The following DPP6 variants were observed in gnomAD, a reference collection of about 807,000 sequenced individuals.
DPP6 encodes A-type potassium channel modulatory protein DPP6.
In DPP6, 69 loss-of-function variants were observed where a neutral mutation model predicts 122.6. The ratio of observed to expected loss-of-function variants is 0.56; its 90% CI spans 0.46 to 0.69. The LOEUF (loss-of-function observed/expected upper bound fraction) is 0.69, where lower values mean the gene tolerates loss of function less well. DPP6 is among the 30% of genes least tolerant of loss of function. DPP6 has a pLI of 0.00. For synonymous variants in DPP6, 418 were observed against 433.1 expected (o/e 0.97, Z 0.43); for missense variants, 928 against 1,116.9 (o/e 0.83, Z 2.41).
intron 5 of DPP6, among the ~76,000 whole-genome samples, chr7:154,570,916 T>C (rs774911401): frequency 4.6e-5 from 7 of 152,226 alleles, no homozygotes; most frequent in Non-Finnish European, 1.0e-4. Context: ...ATCTGGAATG[T>C]TGAAAATAAT....
At chr7:154,091,124 A>ATAAATAAAT (rs1804800420) in intron 1 of DPP6, among the ~76,000 whole-genome samples, 2 of 151,890 alleles carry the variant, frequency 1.3e-5, no homozygotes, top group Non-Finnish European at 2.9e-5. Flanking sequence ...CCTTCTCAAA[A>ATAAATAAAT]AAAAAAAAAA....
At chr7:154,732,596 C>T (rs934198926) in intron 8 of DPP6, among the ~76,000 whole-genome samples, 1 of 152,076 alleles carries the variant, frequency 6.6e-6, no homozygotes, top group African/African-American at 2.4e-5. Flanking sequence ...ATGATGAACT[C>T]GAGAAGATAT....
intron 1 of DPP6, among the ~76,000 whole-genome samples, chr7:153,967,137 A>G (rs998366136): frequency 9.9e-5 from 15 of 152,088 alleles, no homozygotes; most frequent in African/African-American, 3.4e-4. Flanking sequence ...AAAGAGATCC[A>G]GTAGTCAAAG....
At chr7:154,189,863 C>G (rs537996451) in intron 1 of DPP6, among the ~76,000 whole-genome samples, 138 of 152,268 alleles carry the variant, frequency 9.1e-4, no homozygotes, top group African/African-American at 3.3e-3. Context: ...TTTAATTTCT[C>G]AAAGCTTTAT....
At chr7:154,590,709 T>C (rs1832762733) in intron 5 of DPP6, among the ~76,000 whole-genome samples, 1 of 150,596 alleles carries the variant, frequency 6.6e-6, no homozygotes, top group South Asian at 2.1e-4. Context: ...TAATTTTGTA[T>C]GTTTAGTAGA....
intron 5 of DPP6, among the ~76,000 whole-genome samples, chr7:154,612,096 C>G (rs1380793165): frequency 6.6e-6 from 1 of 152,182 alleles, no homozygotes; most frequent in African/African-American, 2.4e-5. Context: ...GCTGTCTTGC[C>G]CTTCTGCCTT....
chr7:154,660,112 A>G (rs186856970), intron 6 of DPP6, among the ~76,000 whole-genome samples: 1 of 152,374 alleles, frequency 6.6e-6, no homozygotes, highest in African/African-American at 2.4e-5. Context: ...TGGAAGAAGT[A>G]AAGGACTCCT....
intron 1 of DPP6, among the ~76,000 whole-genome samples, chr7:154,074,112 G>GCT (rs1803358007): frequency 2.5e-5 from 1 of 40,566 alleles, no homozygotes; most frequent in Non-Finnish European, 4.9e-5. Context: ...GAGATAGAGA[G>GCT]ATATATATAG....
intron 8 of DPP6, among the ~76,000 whole-genome samples, chr7:154,756,250 C>T (rs1056174717): frequency 1.3e-5 from 2 of 152,160 alleles, no homozygotes; most frequent in African/African-American, 2.4e-5. Flanking sequence ...TCAGAAGGCT[C>T]GGCAGCGCCC....
At chr7:154,611,538 C>T (rs1030324941) in intron 5 of DPP6, among the ~76,000 whole-genome samples, 3 of 151,644 alleles carry the variant, frequency 2.0e-5, no homozygotes, top group Non-Finnish European at 2.9e-5. Context: ...GGAGTGTGTG[C>T]ATGTGTGTGT....
intron 1 of DPP6, among the ~76,000 whole-genome samples, chr7:154,098,007 C>T (rs1026212361): frequency 6.6e-6 from 1 of 152,114 alleles, no homozygotes; most frequent in African/African-American, 2.4e-5. Context: ...AAAATCCAGC[C>T]CAGACACAAG....
chr7:154,696,116 A>T (rs564906620), intron 7 of DPP6, among the ~76,000 whole-genome samples: 86 of 152,200 alleles, frequency 5.7e-4, no homozygotes, highest in African/African-American at 2.0e-3. Context: ...AACTCATGCG[A>T]TCCTCAGAGC....
chr7:153,993,711 T>C (rs972371248), intron 1 of DPP6, among the ~76,000 whole-genome samples: 2 of 152,232 alleles, frequency 1.3e-5, no homozygotes, highest in African/African-American at 4.8e-5. Flanking sequence ...AATGATCTTA[T>C]TCATTTCATT....
chr7:154,276,720 G>A (rs1309828164), intron 1 of DPP6, among the ~76,000 whole-genome samples: 1 of 152,182 alleles, frequency 6.6e-6, no homozygotes, highest in East Asian at 1.9e-4. Context: ...AACTAATACT[G>A]AGCTGTTGCT....
At chr7:154,019,969 CTGAG>C (rs1387965253) in intron 1 of DPP6, among the ~76,000 whole-genome samples, 1 of 152,138 alleles carries the variant, frequency 6.6e-6, no homozygotes, top group Non-Finnish European at 1.5e-5. Flanking sequence ...CCTGTGGAGT[CTGAG>C]TGATCACGTG....
intron 1 of DPP6, among the ~76,000 whole-genome samples, chr7:154,297,002 C>T (rs890879016): frequency 6.6e-6 from 1 of 151,484 alleles, no homozygotes; most frequent in Non-Finnish European, 1.5e-5. Flanking sequence ...CTGCCTTAAG[C>T]AGTGTAAACA....
intron 7 of DPP6, among the ~76,000 whole-genome samples, chr7:154,705,850 G>C (rs576370426): frequency 6.6e-6 from 1 of 152,346 alleles, no homozygotes; most frequent in South Asian, 2.1e-4. Flanking sequence ...TGGTAGAATA[G>C]AGCAACTGTA....
At chr7:153,993,600 C>T (rs1387584960) in intron 1 of DPP6, among the ~76,000 whole-genome samples, 15 of 152,204 alleles carry the variant, frequency 9.9e-5, no homozygotes, top group African/African-American at 2.4e-4. Context: ...CCACCCTACC[C>T]CATACAACCT....
chr7:154,645,072 T>G (rs1320203614), intron 6 of DPP6, among the ~76,000 whole-genome samples: 3 of 149,086 alleles, frequency 2.0e-5, no homozygotes, highest in Non-Finnish European at 4.5e-5. Flanking sequence ...TTTTTTTTTT[T>G]TTTTTTTTGA....
Sources: gnomAD v4.1 joint callset for allele counts (sites outside exome capture counted in the v4.1 genomes callset) on GRCh38, gnomAD v4.1.1 for gene constraint, MANE v1.5 for transcripts, NCBI Gene and HGNC (gene_info 2026-07-23, HGNC 2026-07-21) for gene names.